The following SYNPR variants were observed in gnomAD, a reference collection of about 807,000 sequenced individuals.
SYNPR encodes synaptoporin.
In SYNPR, 23 loss-of-function variants were observed where a neutral mutation model predicts 32.9. The ratio of observed to expected loss-of-function variants is 0.70; its 90% CI spans 0.50 to 0.99. The LOEUF is 0.99. SYNPR is among the 50% of genes least tolerant of loss of function. SYNPR has a pLI of 0.00. For missense variants in SYNPR, 318 were observed against 349.3 expected (o/e 0.91, Z 0.71); for synonymous variants, 146 against 135.9 (o/e 1.07, Z -0.52).
At chr3:63,538,890 T>C (rs566328715) in intron 3 of SYNPR, among the ~76,000 whole-genome samples, 27 of 152,310 alleles carry the variant, frequency 1.8e-4, no homozygotes, top group African/African-American at 6.3e-4. Flanking sequence ...TTAATATATC[T>C]TTCTATGTCT....
In SYNPR at chr3:63,478,734, G is replaced by A. The variant is rs115999404; in HGVS notation, c.85-2098G>A. 9.5e-3 allele frequency among the ~76,000 whole-genome samples: 1,446 copies of A among 152,236 alleles called. 21 individuals are homozygous for A. The highest frequency in any genetic ancestry group is 0.032 in the African/African-American group (1,338 of 41,528). ...CTCAGCGATTCAGAGAGACATAGGGGTTATCCCTGTTTTACAGATGAGGAA... is the reference window on the plus strand; with the variant it reads ...CTCAGCGATTCAGAGAGACATAGGGATTATCCCTGTTTTACAGATGAGGAA... On this transcript the variant is annotated intron_variant, in intron 2 of 5. Coordinates refer to ENST00000478300, the MANE Select transcript of SYNPR (RefSeq NM_001130003.2).
At chr3:63,559,227 C>A (rs180745450) in intron 4 of SYNPR, among the ~76,000 whole-genome samples, 1 of 151,890 alleles carries the variant, frequency 6.6e-6, no homozygotes, top group Non-Finnish European at 1.5e-5. Flanking sequence ...AGGCGCACAC[C>A]ACCACACTCA....
rs376737292 is a variant in SYNPR at position 63,600,286 on chromosome 3, G to A, written c.409-8839G>A. Among the ~76,000 whole-genome samples the A allele has an allele frequency of 3.5e-4, 53 of 152,308 alleles. 1 individual carries two copies. The South Asian group carries it at 0.011, about 31-fold the overall frequency. On this transcript the variant is annotated intron_variant, in intron 4 of 5. Transcript: ENST00000478300. The stretch of plus-strand genomic sequence containing the variant: ...CTAAAACAGCCACCAGTTCTGGAGA[G>A]CTTCTGATCTCCTCTCTGCCCTTCT...
chr3:63,592,527 T>A lies in SYNPR; in HGVS notation c.409-16598T>A, dbSNP rs145667439. 5.3e-4 allele frequency among the ~76,000 whole-genome samples: 81 copies of A among 151,854 alleles called. 3 individuals carry two copies. In the East Asian group the frequency reaches 0.016, roughly 29 times the overall value. ...TTAAAAGGGCAAGGGAGAAACTAAG[T>A]TAAGTGGATGGTTAGGAACCTGTAG... On this transcript the variant is annotated intron_variant, in intron 4 of 5. Transcript: ENST00000478300.
chr3:63,490,055 GC>G (rs1240400670), intron 3 of SYNPR, among the ~76,000 whole-genome samples: 1 of 152,158 alleles, frequency 6.6e-6, no homozygotes, highest in Non-Finnish European at 1.5e-5. Flanking sequence ...AAAGAGAGAA[GC>G]TGTACTATTT....
intron 4 of SYNPR, among the ~76,000 whole-genome samples, chr3:63,576,368 C>A (rs1339723477): frequency 6.6e-6 from 1 of 152,140 alleles, no homozygotes; most frequent in Non-Finnish European, 1.5e-5. Flanking sequence ...AAGTTCCTAG[C>A]CATTTCCCTC....
chr3:63,445,289 T>A (rs548176273), intron 2 of SYNPR, among the ~76,000 whole-genome samples: 1 of 152,294 alleles, frequency 6.6e-6, no homozygotes, highest in South Asian at 2.1e-4. Context: ...TTTACAGAAG[T>A]GTTAGGGCTC....
chr3:63,459,992 C>T (rs1332156087), intron 2 of SYNPR, among the ~76,000 whole-genome samples: 12 of 152,032 alleles, frequency 7.9e-5, no homozygotes, highest in Admixed American at 5.3e-4. Flanking sequence ...ACTCTCACTT[C>T]GCTGTCTGTC....
At chr3:63,531,367 G>A (rs566640404) in intron 3 of SYNPR, among the ~76,000 whole-genome samples, 80 of 152,168 alleles carry the variant, frequency 5.3e-4, no homozygotes, top group Middle Eastern at 3.4e-3. Flanking sequence ...CTGGTTTTGG[G>A]TGGAATCAGA....
rs139332931 is a variant in SYNPR at position 63,367,342 on chromosome 3, A to ATTATTTATTTATTTATGTAT, written c.84+88616_84+88617insGTATTTATTTATTTATTTAT. 2.5e-3 allele frequency among the ~76,000 whole-genome samples: 364 copies of ATTATTTATTTATTTATGTAT among 143,686 alleles called. 1 individual carries two copies. Among genetic ancestry groups the ATTATTTATTTATTTATGTAT allele is most frequent in the African/African-American group, 9.0e-3 (341 of 37,898 alleles). 94.3% of individuals were successfully genotyped at this position (143,686 alleles called of 152,430 possible). A position where few individuals can be genotyped will look rare whatever the true frequency, so the allele number is the denominator to read the frequency against. ...AATATCCTCTAAGCATCACTGTTGA[A>ATTATTTATTTATTTATGTAT]TTATTTATTTATTTATTTATTTATT... On this transcript the variant is annotated intron_variant, in intron 2 of 5. Transcript: ENST00000478300.
intron 1 of SYNPR, among the ~76,000 whole-genome samples, chr3:63,249,404 T>C (rs2086314156): frequency 1.3e-5 from 2 of 152,254 alleles, no homozygotes; most frequent in South Asian, 4.1e-4. Context: ...ACTTACCCTT[T>C]GTCCCAGGAA....
the SYNPR span, among the ~76,000 whole-genome samples, chr3:63,209,971 T>C: frequency 7.0e-4 from 106 of 152,302 alleles, no homozygotes; most frequent in African/African-American, 2.4e-3. Context: ...TTAGACTGTA[T>C]TTTGTAATTA....
In SYNPR at chr3:63,234,041, T is replaced by C. The variant is rs139542571; in HGVS notation, n.66+5661T>C. Among the ~76,000 whole-genome samples, 387 of 152,264 alleles carry C rather than the reference T, an allele frequency of 2.5e-3. 6 individuals carry two copies. Among genetic ancestry groups the C allele is most frequent in the African/African-American group, 8.7e-3 (362 of 41,548 alleles). On this transcript the variant is annotated intron_variant and non_coding_transcript_variant, in intron 1 of 4. Transcript: ENST00000478456. ...GGTGAAATGGGTGTATTAGTCCGTT[T>C]TCACACTGCTGATAAAGGCATACCT...
chr3:63,478,467 C>A (rs1234970369), intron 2 of SYNPR, among the ~76,000 whole-genome samples: 1 of 152,178 alleles, frequency 6.6e-6, no homozygotes, highest in Non-Finnish European at 1.5e-5. Context: ...CGCACACATG[C>A]CTCACAATAT....
chr3:63,577,468 T>C (rs1345585147), intron 4 of SYNPR, among the ~76,000 whole-genome samples: 2 of 152,058 alleles, frequency 1.3e-5, no homozygotes, highest in African/African-American at 4.8e-5. Context: ...ACTTGGGAAC[T>C]GTTTTTTTGG....
At chr3:63,423,154 T>C (rs1699828982) in intron 2 of SYNPR, among the ~76,000 whole-genome samples, 1 of 152,158 alleles carries the variant, frequency 6.6e-6, no homozygotes, top group Non-Finnish European at 1.5e-5. Flanking sequence ...AAATACACAT[T>C]CATGACTTTG....
intron 3 of SYNPR, among the ~76,000 whole-genome samples, chr3:63,529,409 T>C (rs776928237): frequency 6.6e-6 from 1 of 152,198 alleles, no homozygotes; most frequent in Non-Finnish European, 1.5e-5. Context: ...ATATCTTCAA[T>C]TTGTAGTTGG....
At chr3:63,234,528 T>C (rs762703188) in intron 1 of SYNPR, among the ~76,000 whole-genome samples, 2 of 152,216 alleles carry the variant, frequency 1.3e-5, no homozygotes, top group Non-Finnish European at 2.9e-5. Context: ...ATTCTAATGC[T>C]GTATACCCTT....
At chr3:63,546,075 C>T (rs79475128) in intron 3 of SYNPR, among the ~76,000 whole-genome samples, 3,673 of 152,088 alleles carry the variant, frequency 0.024, 135 homozygotes, top group African/African-American at 0.077. Context: ...GGAAAGCAAA[C>T]GAGAGAAGAA....
Sources: allele counts gnomAD v4.1 joint callset (sites outside exome capture counted in the v4.1 genomes callset), GRCh38; gene constraint gnomAD v4.1.1; transcripts MANE v1.5; gene names NCBI Gene and HGNC (gene_info 2026-07-23, HGNC 2026-07-21).